EXTL3: variants seen among roughly 807,000 people sequenced by gnomAD.
EXTL3 encodes exostosin-like 3.
EXTL3 carries 27 observed loss-of-function variants against 69.3 expected under a neutral mutation model. The observed-to-expected ratio is 0.39, with a 90% CI of 0.29 to 0.54. The LOEUF is 0.54. EXTL3 is among the 20% of genes least tolerant of loss of function. The probability of loss-of-function intolerance (pLI) is 0.69; values close to 1 mark genes in which losing one functional copy is unlikely to be tolerated. For synonymous variants in EXTL3, 511 were observed against 499.4 expected, an observed-to-expected ratio of 1.02 and a Z score of -0.31; for missense variants, 1,003 against 1,231.8, an observed-to-expected ratio of 0.81 and a Z score of 2.78.
At chr8:28,701,769 CG>C (rs1013645661) in intron 1 of EXTL3, 110 bp downstream of exon 1, 1 of 152,872 alleles carries the variant, frequency 6.5e-6, no homozygotes, top group African/African-American at 2.4e-5. Flanking sequence ...CGGGAGGGAC[CG>C]GGTCCGCCGT....
intron 1 of EXTL3, among the ~76,000 whole-genome samples, chr8:28,691,987 A>G (rs1318025202): frequency 5.3e-5 from 8 of 152,210 alleles, no homozygotes; most frequent in Non-Finnish European, 8.8e-5. Context: ...TGTACACGAA[A>G]GTAAGACAAG....
chr8:28,625,972 G>C (rs185877475), intron 1 of EXTL3, among the ~76,000 whole-genome samples: 179 of 132,606 alleles, frequency 1.3e-3, no homozygotes, highest in African/African-American at 5.3e-3. Flanking sequence ...ACCAGCTTGG[G>C]CAATATAGTG....
rs760437749 is a variant in EXTL3, at chr8:28,716,839, G to C, written c.780G>C (p.Leu260Phe). 4 of 1,614,248 alleles carry C rather than the reference G, an allele frequency of 2.5e-6. No homozygotes were observed. The South Asian group carries it at 4.4e-5, about 18-fold the overall frequency. Reference sequence around the variant, plus strand: ...GGCCTGCTGAGCTGGAGAAGCAGTTGTATTCCCTGCCACACTGGCGGACGG... The same window carrying C: ...GGCCTGCTGAGCTGGAGAAGCAGTTCTATTCCCTGCCACACTGGCGGACGG... The part of the protein sequence containing the change: ...VLRPAELEKQ[L>F]YSLPHWRTDG... The change falls in exon 3 of 7, where the codon TTG (leucine) becomes TTC (phenylalanine). Residue 260 changes from leucine (L) to phenylalanine (F), a missense_variant. Leu to Phe is a conservative substitution (Grantham distance 22). Transcript: ENST00000220562. The surrounding 1 kb of genome is among the most constrained non-coding windows in gnomAD (Gnocchi z 7.1).
chr8:28,661,708 C>T (rs568348743), intron 1 of EXTL3, among the ~76,000 whole-genome samples: 211 of 151,188 alleles, frequency 1.4e-3, no homozygotes, highest in African/African-American at 4.8e-3. Context: ...GGTGAAACCC[C>T]GCCTCTACTA....
chr8:28,739,101 A>C (rs1801720884), intron 5 of EXTL3, among the ~76,000 whole-genome samples: 1 of 152,072 alleles, frequency 6.6e-6, no homozygotes, highest in Non-Finnish European at 1.5e-5. Flanking sequence ...TAATTTCCTC[A>C]TCTGTATTCC....
rs559208007 is a variant in EXTL3 at position 28,672,410 on chromosome 8, T to G, written c.-52-41047T>G. On this transcript the variant is annotated intron_variant, in intron 1 of 6. Transcript: ENST00000523149. ...TCCAGTCTGGGCAACCGAGCGAGAC[T>G]CCTTCTCGGGGTGGGGGGGCGGGGG... 3.8e-4 allele frequency among the ~76,000 whole-genome samples: 40 copies of G among 104,986 alleles called. No individual in the cohort carries two copies. In the South Asian group the frequency reaches 0.015, roughly 40 times the overall value. 68.9% of individuals were successfully genotyped at this position (104,986 alleles called of 152,430 possible). A position where few individuals can be genotyped will look rare whatever the true frequency, so the allele number is the denominator to read the frequency against.
Position 28,733,628 on chromosome 8 carries a change from C to T in EXTL3, c.2276+2278C>T, listed in dbSNP as rs141860080. 1.4e-3 allele frequency among the ~76,000 whole-genome samples: 208 copies of T among 151,000 alleles called. 2 individuals are homozygous for T. Among genetic ancestry groups the T allele is most frequent in the African/African-American group, 4.9e-3 (203 of 41,026 alleles). The stretch of plus-strand genomic sequence containing the variant: ...TTCAAGCTGGTCTGAAACTCCTGGC[C>T]TCGAGCAAGCCTCCCAAGTGCTGGG... On this transcript the variant is annotated intron_variant, in intron 4 of 6. Transcript: ENST00000220562.
At chr8:28,684,106 G>T (rs1189316400) in intron 1 of EXTL3, among the ~76,000 whole-genome samples, 2 of 152,104 alleles carry the variant, frequency 1.3e-5, no homozygotes, top group African/African-American at 2.4e-5. Flanking sequence ...AGGTGACAGG[G>T]TCTCATTTTT....
At chr8:28,698,837 T>C (rs1482412186), upstream of EXTL3, among the ~76,000 whole-genome samples, 1 of 152,008 alleles carries the variant, frequency 6.6e-6, no homozygotes, top group Non-Finnish European at 1.5e-5. Flanking sequence ...CTACTAAAAA[T>C]ACAAAAATTA....
At chr8:28,665,125 G>A (rs1162672397) in intron 1 of EXTL3, among the ~76,000 whole-genome samples, 3 of 139,088 alleles carry the variant, frequency 2.2e-5, no homozygotes, top group African/African-American at 8.1e-5. Context: ...AGACTGGGGT[G>A]CGATGGTGTG....
chr8:28,721,891 T>C (rs1230141593), intron 3 of EXTL3, among the ~76,000 whole-genome samples: 1 of 152,244 alleles, frequency 6.6e-6, no homozygotes, highest in Admixed American at 6.5e-5. Flanking sequence ...ATCTTTCATT[T>C]ACTAACAGTG....
intron 1 of EXTL3, among the ~76,000 whole-genome samples, chr8:28,703,625 G>T (rs1800859026): frequency 6.6e-6 from 1 of 152,124 alleles, no homozygotes; most frequent in Non-Finnish European, 1.5e-5. Context: ...TCTTCTGGAG[G>T]AGGGTGGGAG....
rs141816006 is a variant in EXTL3 at position 28,654,811 on chromosome 8, C to T, written c.-53+32001C>T. ...AATTCTGCAAACATTCAAACCTGAA[C>T]ATTCAAACATTCTAACCCTCTTCCA... On this transcript the variant is annotated intron_variant, in intron 1 of 6. Transcript: ENST00000523149. Among the ~76,000 whole-genome samples, 583 of 152,314 alleles carry T rather than the reference C, an allele frequency of 3.8e-3. 7 individuals carry two copies. The highest frequency in any genetic ancestry group is 4.9e-3 in the Non-Finnish European group (334 of 68,032).
intron 2 of EXTL3, among the ~76,000 whole-genome samples, chr8:28,609,419 AAGCG>A (rs1217202975): frequency 1.3e-5 from 2 of 151,918 alleles, no homozygotes; most frequent in African/African-American, 4.8e-5. Context: ...TGGATTCCAC[AAGCG>A]ATAAAGAAGA....
chr8:28,615,207 G>T (rs1483433674), intron 2 of EXTL3, among the ~76,000 whole-genome samples: 1 of 152,162 alleles, frequency 6.6e-6, no homozygotes, highest in Non-Finnish European at 1.5e-5. Context: ...TGCTTGAGAA[G>T]AATTTGTAAT....
intron 3 of EXTL3, among the ~76,000 whole-genome samples, chr8:28,719,738 CTG>C (rs1022481580): frequency 6.6e-6 from 1 of 152,088 alleles, no homozygotes; most frequent in Non-Finnish European, 1.5e-5. Flanking sequence ...AGCATTTGCT[CTG>C]TGAAAGATAG....
chr8:28,693,879 A>C (rs1303537564), intron 1 of EXTL3, among the ~76,000 whole-genome samples: 1 of 152,252 alleles, frequency 6.6e-6, no homozygotes, highest in African/African-American at 2.4e-5. Flanking sequence ...AAAATTGCTC[A>C]GTCATTTATA....
intron 1 of EXTL3, among the ~76,000 whole-genome samples, chr8:28,626,651 G>A (rs73564703): frequency 0.1 from 15,171 of 152,182 alleles, 2,223 homozygotes; most frequent in African/African-American, 0.32. Flanking sequence ...TAAAAACCCT[G>A]TAAGTTGAGT....
At chr8:28,718,331 G>GA in intron 3 of EXTL3, 124 bp downstream of exon 3, 2 of 957,218 alleles carry the variant, frequency 2.1e-6, no homozygotes, top group Non-Finnish European at 3.3e-6. Context: ...GCATACTCAT[G>GA]AAAAACCTGT....
Sources: gnomAD v4.1 joint callset for allele counts (sites outside exome capture counted in the v4.1 genomes callset) on GRCh38, gnomAD v4.1.1 for gene constraint, Gnocchi (gnomAD v3.1) non-coding constraint, MANE v1.5 for transcripts, NCBI Gene and HGNC (gene_info 2026-07-23, HGNC 2026-07-21) for gene names.